Variants in CREB3L3 observed in about 807,000 individuals in gnomAD.
CREB3L3 encodes cyclic AMP-responsive element-binding protein 3-like protein 3.
Under a neutral mutation model 44.6 loss-of-function variants are expected in CREB3L3, and 40 were observed. The ratio of observed to expected loss-of-function variants is 0.90; its 90% CI spans 0.70 to 1.17. CREB3L3 has a LOEUF of 1.17. CREB3L3 is among the 50% of genes most tolerant of loss of function. The pLI is 0.00. For missense variants in CREB3L3, 578 were observed against 595.8 expected, an observed-to-expected ratio of 0.97 and a Z score of 0.31; for synonymous variants, 273 against 256.3, an observed-to-expected ratio of 1.06 and a Z score of -0.62.
chr19:4,155,018 C>G lies in CREB3L3; in HGVS notation c.147C>G (p.Val49=). 6.2e-7 allele frequency: 1 copy of G among 1,607,994 alleles called. No individual in the cohort carries two copies. The highest frequency in any genetic ancestry group is 8.5e-7 in the Non-Finnish European group (1 of 1,179,974). ...HVELGEGWGH[V]KDQQVLPNPD... The stretch of plus-strand genomic sequence containing the variant: ...AGCTGGGCGAGGGCTGGGGTCACGT[C>G]AAGGACCAGGTGAGGAGTCCACTGC... Residue 49 remains valine (V), a synonymous_variant, in exon 2 of 10, where the codon GTC becomes GTG. Transcript: ENST00000078445.
chr19:4,156,327 A>G (rs1263990967), intron 2 of CREB3L3, among the ~76,000 whole-genome samples: 1 of 151,572 alleles, frequency 6.6e-6, no homozygotes, highest in Non-Finnish European at 1.5e-5. Flanking sequence ...AGCTGAGATT[A>G]CAGGCATGTG....
chr19:4,160,760 G>A (rs2041649585), intron 4 of CREB3L3, among the ~76,000 whole-genome samples: 1 of 148,620 alleles, frequency 6.7e-6, no homozygotes, highest in Non-Finnish European at 1.5e-5. Context: ...TTGAGATGGC[G>A]TCTTGCTCTG....
chr19:4,158,168 T>C (rs1392963109), intron 3 of CREB3L3, among the ~76,000 whole-genome samples: 2 of 151,922 alleles, frequency 1.3e-5, no homozygotes, highest in Admixed American at 1.3e-4. Flanking sequence ...TGACCCTTGC[T>C]ATGAGCTCTT....
At chr19:4,166,551 A>C (rs1966910562) in intron 5 of CREB3L3, among the ~76,000 whole-genome samples, 1 of 146,100 alleles carries the variant, frequency 6.8e-6, no homozygotes, top group South Asian at 2.2e-4. Flanking sequence ...GGTGTGAGCC[A>C]CTGCGCCCAG....
Position 4,154,965 on chromosome 19 carries a change from C to G in CREB3L3, c.94C>G (p.Arg32Gly), listed in dbSNP as rs761355276. Residue 32 changes from arginine (R) to glycine (G), a missense_variant, in exon 2 of 10, where the codon CGG becomes GGG. Coordinates refer to ENST00000078445, the MANE Select transcript of CREB3L3 (RefSeq NM_032607.3). ...TGAGCTCCTGGATCTCCTGTTTGAC[C>G]GGCAGGACGGCATCCTGAGACACGT... ...SFELLDLLFD[R>G]QDGILRHVEL... is the part of the protein sequence containing the mutation. The G allele has an allele frequency of 5.0e-6, 8 of 1,613,112 alleles. No individual in the cohort carries two copies. Among genetic ancestry groups the G allele is most frequent in the African/African-American group, 1.3e-5 (1 of 74,928 alleles).
chr19:4,172,661 G>GGACA lies in CREB3L3; in HGVS notation c.*705_*708dup, dbSNP rs1480981428. On this transcript the variant is annotated 3_prime_UTR_variant, in exon 10 of 10. Coordinates refer to ENST00000078445, the MANE Select transcript of CREB3L3 (RefSeq NM_032607.3). Reference sequence around the variant, plus strand: ...CCCAGACACAGCCTGAAACAGACCCGGACAGACAGACAGACACAGCCTGAA... The same window carrying GGACA: ...CCCAGACACAGCCTGAAACAGACCCGGACAGACAGACAGACAGACACAGCCTGAA... 5.7e-6 allele frequency: 1 copy of GGACA among 174,528 alleles called. No individual in the cohort carries two copies. The highest frequency in any genetic ancestry group is 1.1e-5 in the Non-Finnish European group (1 of 91,356). The allele number at this position is 174,528 out of a possible 1,614,324, so 10.8% of individuals were successfully genotyped here.
At chr19:4,168,795 G>A (rs1387199111) in intron 6 of CREB3L3, among the ~76,000 whole-genome samples, 3 of 152,056 alleles carry the variant, frequency 2.0e-5, no homozygotes, top group African/African-American at 4.8e-5. Flanking sequence ...GCAGTGGTGC[G>A]ATCTTGGCTC....
chr19:4,156,658 C>G (rs535937731), intron 2 of CREB3L3, among the ~76,000 whole-genome samples: 8 of 151,570 alleles, frequency 5.3e-5, no homozygotes, highest in Admixed American at 5.3e-4. Context: ...CCCGCCACCA[C>G]GCCCAGCTAC....
rs1752744784 is a variant in CREB3L3, at chr19:4,159,779, C to A, written c.573C>A (p.Asp191Glu). 9.4e-6 allele frequency: 13 copies of A among 1,375,722 alleles called. No individual in the cohort carries two copies. The highest frequency in any genetic ancestry group is 1.4e-5 in the Non-Finnish European group (13 of 962,468). The allele number at this position is 1,375,722 out of a possible 1,614,324, so 85.2% of individuals were successfully genotyped here. The change falls in exon 4 of 10, where the codon GAC becomes GAA. Residue 191 changes from aspartate to glutamate, a missense_variant. Transcript: ENST00000078445. ...KDLLLSGSSG[D>E]LQQHHLGASY... ...TCCTCCTTTCGGGCAGCAGTGGGGA[C>A]CTGGTGAGCACCCCCACACCCTCCC...
chr19:4,171,736 C>G lies in CREB3L3; in HGVS notation c.1153C>G (p.Arg385Gly), dbSNP rs753953218. Residue 385 changes from arginine (R) to glycine (G), a missense_variant, in exon 10 of 10, where the codon CGA becomes GGA. Arg to Gly is a moderately radical substitution (Grantham distance 125). Transcript: ENST00000078445. The surrounding 1 kb of genome is among the most constrained non-coding windows in gnomAD (Gnocchi z 4.9). ...GCCAGGCTCCGAGGCCCCAGGACCCCGACCCGAGGCTGACACAACCCGAGA... is the reference window on the plus strand; with the variant it reads ...GCCAGGCTCCGAGGCCCCAGGACCCGGACCCGAGGCTGACACAACCCGAGA... ...AVPGSEAPGPRPEADTTREES... is the reference protein window; with the variant it reads ...AVPGSEAPGPGPEADTTREES... The G allele has an allele frequency of 3.7e-6, 6 of 1,613,150 alleles. No individual in the cohort carries two copies. Among genetic ancestry groups the G allele is most frequent in the African/African-American group, 1.3e-5 (1 of 74,900 alleles).
At chr19:4,168,259 A>T (rs966169241) in intron 5 of CREB3L3, 92 bp from the exon 6 acceptor site, 2 of 958,900 alleles carry the variant, frequency 2.1e-6, no homozygotes, top group East Asian at 5.6e-5. Flanking sequence ...TCGGCCTCCC[A>T]AAGTGCTGGG....
In CREB3L3 at chr19:4,168,456, C is replaced by T. The variant is rs573530871; in HGVS notation, c.820C>T (p.Arg274Trp). 3.2e-5 allele frequency: 51 copies of T among 1,602,546 alleles called. No individual in the cohort carries two copies. Among genetic ancestry groups the T allele is most frequent in the South Asian group, 3.1e-4 (28 of 90,558 alleles). ...GGAATATATCGATGGCCTGGAGACT[C>T]GGTGGGTAGTGCTGGACCCAGACTC... Reference protein sequence around the residue: ...KKEYIDGLETRMSACTAQNQE... With the variant: ...KKEYIDGLETWMSACTAQNQE... The change falls in exon 6 of 10, where the codon CGG (arginine) becomes TGG (tryptophan). Residue 274 changes from arginine to tryptophan, a missense_variant and splice_region_variant. Coordinates refer to ENST00000078445, the MANE Select transcript of CREB3L3 (RefSeq NM_032607.3).
intron 5 of CREB3L3, 42 bp from the exon 6 acceptor site, chr19:4,168,309 G>T: frequency 6.5e-7 from 1 of 1,533,192 alleles, no homozygotes; most frequent in Non-Finnish European, 9.0e-7. Context: ...TCCAAGTGGG[G>T]ACTTTCTGGC....
rs1432950754 is a variant in CREB3L3, at chr19:4,157,062, C to T, written c.224C>T (p.Pro75Leu). The T allele has an allele frequency of 3.1e-6, 5 of 1,614,092 alleles. No individual in the cohort carries two copies. The highest frequency in any genetic ancestry group is 4.2e-6 in the Non-Finnish European group (5 of 1,180,018). ...ATCCTGGGCTCTGGAGACTCACTGC[C>T]CAGCTCCCCACTCTGGTCCCCCGAA... is the stretch of plus-strand genomic sequence containing the variant. Reference protein sequence around the residue: ...SSILGSGDSLPSSPLWSPEGS... With the variant: ...SSILGSGDSLLSSPLWSPEGS... Residue 75 changes from proline to leucine, a missense_variant, in exon 3 of 10, where the codon CCC becomes CTC. Transcript: ENST00000078445.
intron 1 of CREB3L3, 147 bp downstream of exon 1, chr19:4,153,921 G>T (rs538561207): frequency 7.1e-6 from 7 of 982,444 alleles, no homozygotes; most frequent in Non-Finnish European, 9.5e-6. Flanking sequence ...GAGCAAAACT[G>T]TGTGCCTTTG....
At position 4,167,494 on chromosome 19, in the gene CREB3L3, A is replaced by AAGAGAAAGAGAAAG. The variant is rs1555703984; in HGVS notation, c.715-845_715-832dup. Among the ~76,000 whole-genome samples the AAGAGAAAGAGAAAG allele has an allele frequency of 1.8e-3, 237 of 129,630 alleles. 1 individual carries two copies. Among genetic ancestry groups the AAGAGAAAGAGAAAG allele is most frequent in the Admixed American group, 8.9e-3 (109 of 12,226 alleles). 85.0% of individuals were successfully genotyped at this position (129,630 alleles called of 152,430 possible). ...AGGAAGAAAAGGAAAGAAAGAGAGA[A>AAGAGAAAGAGAAAG]AGAGAAAGAGAAAGAGAGAAAGAGA... On this transcript the variant is annotated intron_variant, in intron 5 of 9. Transcript: ENST00000078445.
Position 4,172,084 on chromosome 19 carries a change from C to A in CREB3L3, c.*115C>A. 1 of 1,112,306 alleles carries A rather than the reference C, an allele frequency of 9.0e-7. No homozygotes were observed. The highest frequency in any genetic ancestry group is 2.7e-5 in the Admixed American group (1 of 36,956). The allele number at this position is 1,112,306 out of a possible 1,614,324, so 68.9% of individuals were successfully genotyped here. A position where few individuals can be genotyped will look rare whatever the true frequency, so the allele number is the denominator to read the frequency against. ...TGAGGCCAAGACCCCAGCAGAGATG[C>A]CAGAATGGGGGAGGCACAGCTCATA... On this transcript the variant is annotated 3_prime_UTR_variant, in exon 10 of 10. Coordinates refer to ENST00000078445, the MANE Select transcript of CREB3L3 (RefSeq NM_032607.3).
chr19:4,153,879 G>A (rs552882803), intron 1 of CREB3L3, 105 bp downstream of exon 1: 2 of 1,292,786 alleles, frequency 1.5e-6, no homozygotes, highest in African/African-American at 2.9e-5. Context: ...TTGTACAGAT[G>A]GGAAGACTGA....
intron 5 of CREB3L3, 71 bp downstream of exon 5, chr19:4,164,711 C>T: frequency 6.5e-7 from 1 of 1,537,526 alleles, no homozygotes; most frequent in Non-Finnish European, 8.9e-7. Context: ...TGTGTCCCAC[C>T]TTTATTTATT....
Sources: allele counts gnomAD v4.1 joint callset (sites outside exome capture counted in the v4.1 genomes callset), GRCh38; gene constraint gnomAD v4.1.1; non-coding constraint Gnocchi (gnomAD v3.1); transcripts MANE v1.5; gene names NCBI Gene and HGNC (gene_info 2026-07-23, HGNC 2026-07-21).